RBMS1: variants seen among roughly 807,000 people sequenced by gnomAD.
RBMS1 encodes RNA binding motif single stranded interacting protein 1.
In RBMS1, 17 loss-of-function variants were observed where a neutral mutation model predicts 62.3. The ratio of observed to expected loss-of-function variants is 0.27; its 90% CI spans 0.19 to 0.41. RBMS1 has a LOEUF of 0.41. Among genes scored for constraint, RBMS1 ranks in the 10% least tolerant of loss-of-function variants. RBMS1 has a pLI of 1.00. For synonymous variants in RBMS1, 172 were observed against 170.0 expected, an observed-to-expected ratio of 1.01 and a Z score of -0.09; for missense variants, 334 against 504.5, an observed-to-expected ratio of 0.66 and a Z score of 3.24.
intron 1 of RBMS1, among the ~76,000 whole-genome samples, chr2:160,394,815 T>C (rs1463972724): frequency 1.3e-5 from 2 of 152,216 alleles, no homozygotes; most frequent in Non-Finnish European, 2.9e-5. Context: ...GTGCCATACT[T>C]AGAAAAACAA....
At chr2:160,359,914 T>C (rs1693029337) in intron 2 of RBMS1, among the ~76,000 whole-genome samples, 1 of 152,172 alleles carries the variant, frequency 6.6e-6, no homozygotes, top group African/African-American at 2.4e-5. Context: ...CCTTCTCCTG[T>C]TAGTTGCCCT....
At chr2:160,453,070 G>A (rs1330316088) in intron 1 of RBMS1, among the ~76,000 whole-genome samples, 2 of 150,332 alleles carry the variant, frequency 1.3e-5, no homozygotes, top group African/African-American at 4.9e-5. Flanking sequence ...TGATTGTTGT[G>A]TGTTTCTGTA....
chr2:160,298,341 T>C (rs943270373), intron 6 of RBMS1, among the ~76,000 whole-genome samples: 2 of 151,708 alleles, frequency 1.3e-5, no homozygotes, highest in Non-Finnish European at 2.9e-5. Flanking sequence ...CTGGAGAGGA[T>C]GAATATAAGG....
intron 1 of RBMS1, among the ~76,000 whole-genome samples, chr2:160,460,949 A>C (rs6742799): frequency 0.22 from 33,050 of 152,118 alleles, 3,927 homozygotes; most frequent in African/African-American, 0.3. Context: ...ATAAAACTTA[A>C]TATTATCCCT....
intron 1 of RBMS1, among the ~76,000 whole-genome samples, chr2:160,476,845 C>T (rs1376426193): frequency 1.3e-5 from 2 of 152,084 alleles, no homozygotes; most frequent in Non-Finnish European, 2.9e-5. Context: ...TGAGCCACCG[C>T]GCCCGGCCCA....
intron 1 of RBMS1, among the ~76,000 whole-genome samples, chr2:160,457,475 G>A (rs1441950527): frequency 6.6e-6 from 1 of 152,182 alleles, no homozygotes; most frequent in African/African-American, 2.4e-5. Context: ...CTGGTAAGTA[G>A]CAGAGCTGAG....
At chr2:160,290,629 ACCCAAAACTAAAGAGTTATTT>A (rs1353540770) in intron 6 of RBMS1, among the ~76,000 whole-genome samples, 1 of 152,144 alleles carries the variant, frequency 6.6e-6, no homozygotes, top group Non-Finnish European at 1.5e-5. Flanking sequence ...CATTCTCATC[ACCCAAAACTAAAGAGTTATTT>A]TCCTGTTCAT....
chr2:160,411,263 C>G (rs1444746066), intron 1 of RBMS1, among the ~76,000 whole-genome samples: 2 of 152,156 alleles, frequency 1.3e-5, no homozygotes, highest in African/African-American at 4.8e-5. Context: ...AATGGCTGAA[C>G]CAGTTACTAA....
At position 160,286,962 on chromosome 2, in the gene RBMS1, G is replaced by A; in HGVS notation, c.756+7C>T. ...CCCACCCCGCAAAGTTTCAAGAAAG[G>A]ACTTACAAGTCTCACCTCTCCTTCT... On this transcript the variant is annotated splice_region_variant and intron_variant, in intron 7 of 13. Transcript: ENST00000348849. 1 of 1,610,060 alleles carries A rather than the reference G, an allele frequency of 6.2e-7. No homozygotes were observed. Among genetic ancestry groups the A allele is most frequent in the Non-Finnish European group, 8.5e-7 (1 of 1,178,926 alleles).
chr2:160,292,092 G>A (rs1001786822), intron 6 of RBMS1, among the ~76,000 whole-genome samples: 1 of 152,194 alleles, frequency 6.6e-6, no homozygotes, highest in South Asian at 2.1e-4. Flanking sequence ...ACATCTGTGT[G>A]TGGATCTTAA....
intron 2 of RBMS1, among the ~76,000 whole-genome samples, chr2:160,339,346 T>C (rs1053006280): frequency 6.6e-6 from 1 of 152,170 alleles, no homozygotes; most frequent in Non-Finnish European, 1.5e-5. Flanking sequence ...ACATTCAAGA[T>C]AAAATTCCAG....
In RBMS1 at chr2:160,324,905, TATACAC is replaced by T. The variant is rs1282225923; in HGVS notation, c.252-6684_252-6679del. On this transcript the variant is annotated intron_variant, in intron 2 of 13. Transcript: ENST00000348849. ...GTGTATATATATATATATATATATA[TATACAC>T]ACACACACACACACACACACACACA... Among the ~76,000 whole-genome samples, 107 of 118,694 alleles carry T rather than the reference TATACAC, an allele frequency of 9.0e-4. 1 individual carries two copies. Among genetic ancestry groups the T allele is most frequent in the Admixed American group, 6.5e-3 (81 of 12,424 alleles). The allele number at this position is 118,694 out of a possible 152,430, so 77.9% of individuals were successfully genotyped here.
intron 1 of RBMS1, among the ~76,000 whole-genome samples, chr2:160,451,964 T>A (rs949275732): frequency 6.6e-6 from 1 of 152,180 alleles, no homozygotes; most frequent in African/African-American, 2.4e-5. Flanking sequence ...TAAGTTTTTT[T>A]TCAAATTATA....
At chr2:160,351,432 C>T (rs1692503383) in intron 2 of RBMS1, among the ~76,000 whole-genome samples, 1 of 151,960 alleles carries the variant, frequency 6.6e-6, no homozygotes, top group African/African-American at 2.4e-5. Flanking sequence ...AGGCAAAATA[C>T]AGGTAATACA....
intron 1 of RBMS1, chr2:160,407,322 A>G: frequency 6.1e-6 from 6 of 980,304 alleles, no homozygotes; most frequent in Non-Finnish European, 7.3e-6. Flanking sequence ...TCGCCGGCCG[A>G]GCAGTCCCCG....
chr2:160,493,521 GTCC>G lies in RBMS1; in HGVS notation c.-161_-159del, dbSNP rs1237269335. On this transcript the variant is annotated 5_prime_UTR_variant, in exon 1 of 14. Transcript: ENST00000348849. Reference sequence around the variant, plus strand: ...CTCCACCTCCCAGCCGGGACCAGACGTCCTCCTCCTCCTCCTCCTCTTCCTCCT... The same window carrying G: ...CTCCACCTCCCAGCCGGGACCAGACGTCCTCCTCCTCCTCCTCTTCCTCCT... 3.2e-3 allele frequency: 1,919 copies of G among 591,702 alleles called. No homozygotes were observed. Among genetic ancestry groups the G allele is most frequent in the East Asian group, 4.7e-3 (158 of 33,372 alleles). The allele number at this position is 591,702 out of a possible 1,614,324, so 36.7% of individuals were successfully genotyped here. A position where few individuals can be genotyped will look rare whatever the true frequency, so the allele number is the denominator to read the frequency against.
intron 2 of RBMS1, among the ~76,000 whole-genome samples, chr2:160,365,258 T>C (rs768498670): frequency 6.6e-6 from 1 of 152,252 alleles, no homozygotes; most frequent in Non-Finnish European, 1.5e-5. Flanking sequence ...GTTATTGTTA[T>C]GTTTTGCCTC....
chr2:160,311,244 A>C (rs915641456), intron 4 of RBMS1, among the ~76,000 whole-genome samples: 84 of 88,834 alleles, frequency 9.5e-4, no homozygotes, highest in African/African-American at 1.6e-3. Context: ...ATATATATAT[A>C]TATATATATA....
chr2:160,451,752 G>C (rs1684003010), intron 1 of RBMS1, among the ~76,000 whole-genome samples: 1 of 151,998 alleles, frequency 6.6e-6, no homozygotes, highest in Non-Finnish European at 1.5e-5. Context: ...GGGATTACAG[G>C]TGTGCGCCAC....
Sources: allele counts gnomAD v4.1 joint callset (sites outside exome capture counted in the v4.1 genomes callset), GRCh38; gene constraint gnomAD v4.1.1; transcripts MANE v1.5; gene names NCBI Gene and HGNC (gene_info 2026-07-23, HGNC 2026-07-21).